NR2C1: variants seen among roughly 807,000 people sequenced by gnomAD.
NR2C1 encodes TR2 nuclear hormone receptor.
NR2C1 carries 33 observed loss-of-function variants against 74.8 expected under a neutral mutation model. The observed-to-expected ratio is 0.44, with a 90% CI of 0.33 to 0.59. The LOEUF is 0.59. Among genes scored for constraint, NR2C1 ranks in the 20% least tolerant of loss-of-function variants. The pLI, the probability that NR2C1 is intolerant of heterozygous loss-of-function variation, is 0.02. For missense variants in NR2C1, 568 were observed against 715.6 expected, an observed-to-expected ratio of 0.79 and a Z score of 2.35; for synonymous variants, 225 against 240.6, an observed-to-expected ratio of 0.94 and a Z score of 0.60.
intron 10 of NR2C1, among the ~76,000 whole-genome samples, chr12:95,034,594 T>C (rs1454373840): frequency 1.3e-5 from 2 of 152,204 alleles, no homozygotes; most frequent in African/African-American, 4.8e-5. Context: ...AACTATGTTA[T>C]AGAAGTACAG....
chr12:95,054,962 C>T (rs553207693), intron 7 of NR2C1, among the ~76,000 whole-genome samples: 22 of 152,234 alleles, frequency 1.4e-4, no homozygotes, highest in East Asian at 7.7e-4. Flanking sequence ...TGATTCTTAA[C>T]GAGCATGCTG....
At chr12:95,037,711 C>T (rs969870723) in intron 10 of NR2C1, among the ~76,000 whole-genome samples, 11 of 152,084 alleles carry the variant, frequency 7.2e-5, no homozygotes, top group African/African-American at 2.4e-4. Context: ...CTGGCTAACA[C>T]GATGAAACCC....
At chr12:95,061,370 CTG>C (rs892113072) in intron 3 of NR2C1, among the ~76,000 whole-genome samples, 3 of 152,162 alleles carry the variant, frequency 2.0e-5, no homozygotes, top group African/African-American at 7.2e-5. Context: ...AATAGGGGAA[CTG>C]TGTGTATTTA....
At chr12:95,028,017 G>C (rs138951690) in intron 12 of NR2C1, 1 of 163,818 alleles carries the variant, frequency 6.1e-6, no homozygotes, top group African/African-American at 2.4e-5. Flanking sequence ...CATCTGTGTT[G>C]CAGTATGTGT....
chr12:95,054,808 G>T (rs1397847229), intron 7 of NR2C1, among the ~76,000 whole-genome samples: 1 of 151,862 alleles, frequency 6.6e-6, no homozygotes, highest in Non-Finnish European at 1.5e-5. Context: ...CGCAGAGGGG[G>T]ATTTGGCAGG....
chr12:95,025,413 C>G, intron 12 of NR2C1, 158 bp from the exon 13 acceptor site: 1 of 471,220 alleles, frequency 2.1e-6, no homozygotes, highest in Non-Finnish European at 3.7e-6. Context: ...AATCCTAGCA[C>G]TTTGGGAGGC....
intron 2 of NR2C1, among the ~76,000 whole-genome samples, chr12:95,063,763 C>G (rs1468515624): frequency 6.6e-6 from 1 of 151,954 alleles, no homozygotes; most frequent in East Asian, 1.9e-4. Flanking sequence ...GGTGCAGTGG[C>G]TCACGCCCAT....
intron 12 of NR2C1, among the ~76,000 whole-genome samples, chr12:95,027,248 A>C (rs1392178076): frequency 6.6e-6 from 1 of 151,978 alleles, no homozygotes; most frequent in Non-Finnish European, 1.5e-5. Context: ...TTTTGTAGAG[A>C]AGAGGTCTCA....
At chr12:95,038,087 C>A (rs1489027771) in intron 10 of NR2C1, among the ~76,000 whole-genome samples, 1 of 152,046 alleles carries the variant, frequency 6.6e-6, no homozygotes, top group Non-Finnish European at 1.5e-5. Flanking sequence ...GCCTTGACTG[C>A]TAGATCAAGT....
At chr12:95,055,500 G>T (rs1465788209) in intron 7 of NR2C1, among the ~76,000 whole-genome samples, 1 of 152,188 alleles carries the variant, frequency 6.6e-6, no homozygotes, top group Non-Finnish European at 1.5e-5. Context: ...AGAAAGTAAG[G>T]CACTAAGAGG....
intron 11 of NR2C1, chr12:95,030,632 G>A (rs373112719): frequency 1.2e-6 from 2 of 1,612,238 alleles, no homozygotes; most frequent in South Asian, 1.1e-5. Flanking sequence ...CCCCTCTGCT[G>A]TTAAACATAA....
intron 9 of NR2C1, among the ~76,000 whole-genome samples, chr12:95,048,785 T>G (rs1872625436): frequency 6.6e-6 from 1 of 151,928 alleles, no homozygotes; most frequent in African/African-American, 2.4e-5. Flanking sequence ...CCATCACACC[T>G]GGCTGATTTT....
Position 95,057,622 on chromosome 12 carries a change from T to C in NR2C1, c.714A>G (p.Ser238=), listed in dbSNP as rs1874113507. ...ESTRSTGLLD[S]GMFMNIHPSG... ...ATGGATGAATATTCATGAACATTCC[T>C]GAATCTAACAGTCCTGTTGACCTGT... Residue 238 remains serine (S), a synonymous_variant, in exon 7 of 14, where the codon TCA becomes TCG. Coordinates refer to ENST00000333003, the MANE Select transcript of NR2C1 (RefSeq NM_003297.4). 6.2e-7 allele frequency: 1 copy of C among 1,613,908 alleles called. No homozygotes were observed. Among genetic ancestry groups the C allele is most frequent in the Non-Finnish European group, 8.5e-7 (1 of 1,179,972 alleles).
At chr12:95,061,041 G>A (rs1414554969) in intron 3 of NR2C1, among the ~76,000 whole-genome samples, 1 of 152,194 alleles carries the variant, frequency 6.6e-6, no homozygotes, top group African/African-American at 2.4e-5. Flanking sequence ...AGGAGATATT[G>A]AGAGATTAAG....
intron 2 of NR2C1, among the ~76,000 whole-genome samples, chr12:95,063,823 A>C (rs570909085): frequency 6.6e-6 from 1 of 152,168 alleles, no homozygotes; most frequent in South Asian, 2.1e-4. Context: ...TGAGGTCAGG[A>C]GTTCAAGCCC....
At chr12:95,029,961 T>C (rs1044133568) in intron 11 of NR2C1, among the ~76,000 whole-genome samples, 16 of 152,172 alleles carry the variant, frequency 1.1e-4, no homozygotes, top group African/African-American at 3.9e-4. Flanking sequence ...CTCAAATTCC[T>C]GGGCTCAAGT....
chr12:95,063,014 T>C (rs1245915481), intron 2 of NR2C1: 9 of 464,094 alleles, frequency 1.9e-5, no homozygotes, highest in Non-Finnish European at 2.7e-5. Flanking sequence ...GGGTGATTTA[T>C]ATTAGCTGTT....
chr12:95,031,061 A>T (rs776378263), intron 11 of NR2C1, among the ~76,000 whole-genome samples: 8 of 152,214 alleles, frequency 5.3e-5, no homozygotes, highest in Admixed American at 1.3e-4. Context: ...ACCTCTACAT[A>T]AGCTCACCCT....
chr12:95,064,069 C>T (rs1021308843), intron 2 of NR2C1, among the ~76,000 whole-genome samples: 6 of 146,524 alleles, frequency 4.1e-5, no homozygotes, highest in African/African-American at 1.5e-4. Context: ...GTGGCTCATG[C>T]CTATAACCCC....
Sources: gnomAD v4.1 joint callset for allele counts (sites outside exome capture counted in the v4.1 genomes callset) on GRCh38, gnomAD v4.1.1 for gene constraint, MANE v1.5 for transcripts, NCBI Gene and HGNC (gene_info 2026-07-23, HGNC 2026-07-21) for gene names.